Variants in MIS18A observed in about 807,000 individuals in gnomAD.
MIS18A encodes MIS18 kinetochore protein A, also known as protein Mis18-alpha.
Under a neutral mutation model 25.0 loss-of-function variants are expected in MIS18A, and 14 were observed. That is an observed-to-expected ratio of 0.56 (90% CI 0.37 to 0.88). The LOEUF is 0.88. Among genes scored for constraint, MIS18A ranks in the 40% least tolerant of loss-of-function variants. The pLI is 0.00. For missense variants in MIS18A, 292 were observed against 290.8 expected (o/e 1.00, Z -0.03); for synonymous variants, 134 against 118.6 (o/e 1.13, Z -0.84).
At chr21:32,214,689 T>C in the MIS18A span, among the ~76,000 whole-genome samples, 2 of 152,146 alleles carry the variant, frequency 1.3e-5, no homozygotes, top group Admixed American at 6.5e-5. Flanking sequence ...GGAGTCCAGA[T>C]TGGAAAACAA....
the MIS18A span, among the ~76,000 whole-genome samples, chr21:32,165,455 T>C: frequency 6.6e-6 from 1 of 151,596 alleles, no homozygotes; most frequent in African/African-American, 2.4e-5. Flanking sequence ...AAGGCATTAT[T>C]TGAGACTTGA....
chr21:32,205,355 G>A, the MIS18A span, among the ~76,000 whole-genome samples: 4 of 151,894 alleles, frequency 2.6e-5, no homozygotes, highest in East Asian at 1.9e-4. Context: ...CTGCCCGCTC[G>A]GCCTCCCAAA....
chr21:32,217,968 C>T, the MIS18A span, among the ~76,000 whole-genome samples: 17 of 151,702 alleles, frequency 1.1e-4, no homozygotes, highest in African/African-American at 2.7e-4. Context: ...CTGAGGCGGG[C>T]GGATCACAAG....
At chr21:32,191,016 A>G in the MIS18A span, among the ~76,000 whole-genome samples, 1 of 152,340 alleles carries the variant, frequency 6.6e-6, no homozygotes, top group South Asian at 2.1e-4. Context: ...GAAAGAAGGA[A>G]CCAGGTGGAT....
chr21:32,248,188 T>C, the MIS18A span, among the ~76,000 whole-genome samples: 3 of 152,178 alleles, frequency 2.0e-5, no homozygotes, highest in African/African-American at 7.2e-5. Flanking sequence ...TGGTTATGTT[T>C]GAAGTGGGTT....
chr21:32,206,449 C>T, the MIS18A span, among the ~76,000 whole-genome samples: 4 of 152,034 alleles, frequency 2.6e-5, no homozygotes, highest in East Asian at 3.9e-4. Context: ...TCCTGCTTGG[C>T]GGCCTCTTTC....
chr21:32,251,426 T>G, the MIS18A span, among the ~76,000 whole-genome samples: 1 of 151,902 alleles, frequency 6.6e-6, no homozygotes, highest in Admixed American at 6.6e-5. Flanking sequence ...TCTCCCACAC[T>G]CTCCCTCTTC....
the MIS18A span, among the ~76,000 whole-genome samples, chr21:32,259,102 A>G: frequency 1.2e-4 from 18 of 151,898 alleles, no homozygotes; most frequent in African/African-American, 4.1e-4. Context: ...TCGAACTCCT[A>G]GACTCAAGCG....
chr21:32,178,029 C>T, the MIS18A span, among the ~76,000 whole-genome samples: 1 of 152,040 alleles, frequency 6.6e-6, no homozygotes, highest in African/African-American at 2.4e-5. Context: ...AGCTTCCCTC[C>T]TCAGCATCCT....
At chr21:32,277,636 G>C (rs1423855009) in intron 1 of MIS18A, among the ~76,000 whole-genome samples, 1 of 152,154 alleles carries the variant, frequency 6.6e-6, no homozygotes, top group Middle Eastern at 3.4e-3. Context: ...ATTTTGGCGA[G>C]GCTGATCTGG....
the MIS18A span, among the ~76,000 whole-genome samples, chr21:32,174,194 A>G: frequency 6.6e-6 from 1 of 151,698 alleles, no homozygotes; most frequent in Non-Finnish European, 1.5e-5. Flanking sequence ...CGATCTCCTG[A>G]CCTCATGATC....
chr21:32,236,738 T>A, the MIS18A span, among the ~76,000 whole-genome samples: 1 of 152,178 alleles, frequency 6.6e-6, no homozygotes, highest in Non-Finnish European at 1.5e-5. Flanking sequence ...TAAGGCTATA[T>A]TTCCATTCAC....
the MIS18A span, among the ~76,000 whole-genome samples, chr21:32,221,651 G>A: frequency 5.9e-3 from 888 of 151,568 alleles, 11 homozygotes; most frequent in African/African-American, 0.02. Context: ...AGGCCGAGGC[G>A]GGTGGATCAC....
At chr21:32,183,768 T>G in the MIS18A span, among the ~76,000 whole-genome samples, 1 of 152,208 alleles carries the variant, frequency 6.6e-6, no homozygotes, top group Non-Finnish European at 1.5e-5. Context: ...GTATAGAGAT[T>G]TGCCTCTGAA....
chr21:32,266,661 G>A (rs1173158655), downstream of MIS18A, among the ~76,000 whole-genome samples: 1 of 151,606 alleles, frequency 6.6e-6, no homozygotes, highest in Non-Finnish European at 1.5e-5. Context: ...CCAAGACCAC[G>A]AACCCACCAG....
chr21:32,248,452 A>G, the MIS18A span, among the ~76,000 whole-genome samples: 5 of 152,188 alleles, frequency 3.3e-5, no homozygotes, highest in African/African-American at 9.7e-5. Context: ...TAGGAGTCAG[A>G]CATATGGTAG....
chr21:32,182,133 C>T, the MIS18A span, among the ~76,000 whole-genome samples: 5 of 152,236 alleles, frequency 3.3e-5, no homozygotes, highest in African/African-American at 7.2e-5. Flanking sequence ...TGGAGCAAAC[C>T]GCAAATCAGG....
chr21:32,211,447 C>T, the MIS18A span, among the ~76,000 whole-genome samples: 3 of 152,246 alleles, frequency 2.0e-5, no homozygotes, highest in African/African-American at 4.8e-5. Flanking sequence ...CGGGAAATGA[C>T]ATGCATCCCC....
At chr21:32,241,933 C>T in the MIS18A span, among the ~76,000 whole-genome samples, 2 of 152,182 alleles carry the variant, frequency 1.3e-5, no homozygotes, top group Non-Finnish European at 2.9e-5. Context: ...GGCTGGAGTG[C>T]AGTGGCGCCA....
Sources: gnomAD v4.1 joint callset for allele counts (sites outside exome capture counted in the v4.1 genomes callset) on GRCh38, gnomAD v4.1.1 for gene constraint, MANE v1.5 for transcripts, NCBI Gene and HGNC (gene_info 2026-07-23, HGNC 2026-07-21) for gene names.